The following HMGA2 variants were observed in gnomAD, a reference collection of about 807,000 sequenced individuals.
HMGA2 encodes the protein high mobility group AT-hook 2.
In HMGA2, 8 loss-of-function variants were observed where a neutral mutation model predicts 19.1. That is an observed-to-expected ratio of 0.42 (90% CI 0.25 to 0.76). The LOEUF (loss-of-function observed/expected upper bound fraction) is 0.76, where lower values mean the gene tolerates loss of function less well. Ranked by LOEUF, HMGA2 falls within the 30% of genes least tolerant of loss-of-function variation. The pLI is 0.28. For synonymous variants in HMGA2, 60 were observed against 48.8 expected (o/e 1.23, Z -0.96); for missense variants, 109 against 136.3 (o/e 0.80, Z 1.00).
At chr12:65,863,157 G>A (rs1163660395) in intron 3 of HMGA2, among the ~76,000 whole-genome samples, 2 of 152,124 alleles carry the variant, frequency 1.3e-5, no homozygotes, top group African/African-American at 4.8e-5. Context: ...AATTCTTTTG[G>A]GGCCAGATCA....
At chr12:65,951,550 T>C (rs2121313422) in intron 4 of HMGA2, 135 bp downstream of exon 4, 1 of 656,290 alleles carries the variant, frequency 1.5e-6, no homozygotes, top group Non-Finnish European at 2.7e-6. Context: ...CCTGAAAATG[T>C]GTTGTAGCCT....
At chr12:65,933,901 A>T (rs932164780) in intron 3 of HMGA2, among the ~76,000 whole-genome samples, 6 of 152,214 alleles carry the variant, frequency 3.9e-5, no homozygotes, top group Non-Finnish European at 5.9e-5. Flanking sequence ...ATGCCAACGT[A>T]GACCAATTTT....
chr12:65,929,287 G>A (rs969793633), intron 3 of HMGA2, among the ~76,000 whole-genome samples: 1 of 151,756 alleles, frequency 6.6e-6, no homozygotes, highest in African/African-American at 2.4e-5. Context: ...TTTTTAAAGC[G>A]GAGTTTTGTT....
At chr12:65,844,340 GCATT>G (rs2120901283) in intron 3 of HMGA2, among the ~76,000 whole-genome samples, 1 of 152,206 alleles carries the variant, frequency 6.6e-6, no homozygotes, top group South Asian at 2.1e-4. Flanking sequence ...TGCATATAAT[GCATT>G]CAAAGTTGGT....
chr12:65,920,997 C>T (rs551094657), intron 3 of HMGA2, among the ~76,000 whole-genome samples: 10 of 152,272 alleles, frequency 6.6e-5, no homozygotes, highest in African/African-American at 1.9e-4. Flanking sequence ...AATAGCTTTG[C>T]CCAAAGTGCT....
intron 3 of HMGA2, among the ~76,000 whole-genome samples, chr12:65,925,470 C>T (rs1311809553): frequency 1.3e-5 from 2 of 152,104 alleles, no homozygotes; most frequent in African/African-American, 4.8e-5. Flanking sequence ...ATTTGGACAC[C>T]AGAGTTCCGA....
chr12:65,857,486 T>C (rs1224600916), intron 3 of HMGA2: 1 of 152,240 alleles, frequency 6.6e-6, no homozygotes, highest in Non-Finnish European at 1.5e-5. Context: ...TGCTCTATAA[T>C]ATTTAATGGT....
chr12:65,913,107 A>C (rs1055680194), intron 3 of HMGA2, among the ~76,000 whole-genome samples: 2 of 152,226 alleles, frequency 1.3e-5, no homozygotes, highest in Non-Finnish European at 2.9e-5. Context: ...AAAAGGTTTT[A>C]ATTAATTACT....
intron 4 of HMGA2, among the ~76,000 whole-genome samples, chr12:65,959,291 C>G (rs1313229725): frequency 1.3e-5 from 2 of 152,184 alleles, no homozygotes; most frequent in Non-Finnish European, 2.9e-5. Context: ...AACTATATTT[C>G]TGGGTTTTAG....
intron 3 of HMGA2, among the ~76,000 whole-genome samples, chr12:65,847,090 A>ATC (rs778173762): frequency 6.6e-5 from 10 of 152,188 alleles, no homozygotes; most frequent in Non-Finnish European, 1.5e-4. Flanking sequence ...TACTATATAT[A>ATC]TACACACACA....
chr12:65,959,650 A>G (rs1463732404), intron 4 of HMGA2, among the ~76,000 whole-genome samples: 1 of 152,184 alleles, frequency 6.6e-6, no homozygotes, highest in African/African-American at 2.4e-5. Context: ...CCATTCCAAC[A>G]GGTAAGCCTT....
At chr12:65,854,576 T>C (rs1871637948) in intron 3 of HMGA2, among the ~76,000 whole-genome samples, 1 of 152,246 alleles carries the variant, frequency 6.6e-6, no homozygotes, top group African/African-American at 2.4e-5. Context: ...CCAAAGGTAT[T>C]ATTATTTTTT....
Position 65,886,926 on chromosome 12 carries a change from T to C in HMGA2, c.249+48357T>C, listed in dbSNP as rs576150708. On this transcript the variant is annotated intron_variant, in intron 3 of 4. Transcript: ENST00000403681. The stretch of plus-strand genomic sequence containing the variant: ...ACATTTTCTGTTTTATTCATTGCCT[T>C]CCTCAGTTTCCCTTAATAAGTAAGC... 2.2e-4 allele frequency among the ~76,000 whole-genome samples: 34 copies of C among 152,314 alleles called. 2 individuals are homozygous for C. The Middle Eastern group carries it at 0.02, about 91-fold the overall frequency.
intron 3 of HMGA2, among the ~76,000 whole-genome samples, chr12:65,934,147 A>G (rs1396871504): frequency 6.6e-6 from 1 of 152,226 alleles, no homozygotes; most frequent in East Asian, 1.9e-4. Flanking sequence ...AATACATTCT[A>G]AGTGCTTTAA....
chr12:65,941,785 T>C (rs1424210698), intron 3 of HMGA2, among the ~76,000 whole-genome samples: 2 of 152,224 alleles, frequency 1.3e-5, no homozygotes, highest in East Asian at 1.9e-4. Context: ...TAGTCTAAGA[T>C]TGGGCAAATG....
chr12:65,847,968 C>T (rs1871297331), intron 3 of HMGA2, among the ~76,000 whole-genome samples: 1 of 152,120 alleles, frequency 6.6e-6, no homozygotes, highest in South Asian at 2.1e-4. Flanking sequence ...AAAGAGGCTA[C>T]AGCAGGTTTT....
At chr12:65,896,736 CG>C (rs1385608080) in intron 3 of HMGA2, among the ~76,000 whole-genome samples, 2 of 152,088 alleles carry the variant, frequency 1.3e-5, no homozygotes, top group East Asian at 3.9e-4. Flanking sequence ...TCACAGCCTG[CG>C]GGGAGGTCTG....
intron 3 of HMGA2, among the ~76,000 whole-genome samples, chr12:65,924,813 G>A (rs1875447847): frequency 1.3e-5 from 2 of 152,084 alleles, no homozygotes; most frequent in Admixed American, 6.6e-5. Context: ...AACAAAAAAA[G>A]TAATTGTGAA....
Position 65,849,736 on chromosome 12 carries a change from A to ATTTTTTTTTTT in HMGA2, c.249+11181_249+11191dup. Among the ~76,000 whole-genome samples, 157 of 85,102 alleles carry ATTTTTTTTTTT rather than the reference A, an allele frequency of 1.8e-3. 13 individuals carry two copies. The highest frequency in any genetic ancestry group is 6.8e-3 in the African/African-American group (126 of 18,516). The allele number at this position is 85,102 out of a possible 152,430, so 55.8% of individuals were successfully genotyped here. ...AAACCAAGACAATGGTAGGCTCTGT[A>ATTTTTTTTTTT]TTTTTTTTTTTTTTTTTTTTTTTTG... On this transcript the variant is annotated intron_variant, in intron 3 of 4. Transcript: ENST00000403681.
Sources: allele counts gnomAD v4.1 joint callset (sites outside exome capture counted in the v4.1 genomes callset), GRCh38; gene constraint gnomAD v4.1.1; transcripts MANE v1.5; gene names NCBI Gene and HGNC (gene_info 2026-07-23, HGNC 2026-07-21).